The following TENM2 variants were observed in gnomAD, a reference collection of about 807,000 sequenced individuals.
TENM2 encodes the protein teneurin-2.
In TENM2, 52 loss-of-function variants were observed where a neutral mutation model predicts 245.2. That is an observed-to-expected ratio of 0.21 (90% CI 0.17 to 0.27). The LOEUF is 0.27. Ranked by LOEUF, TENM2 falls within the 10% of genes least tolerant of loss-of-function variation. TENM2 has a pLI of 1.00. For missense variants in TENM2, 3,046 were observed against 3,666.8 expected, an observed-to-expected ratio of 0.83 and a Z score of 4.37; for synonymous variants, 1,363 against 1,438.9, an observed-to-expected ratio of 0.95 and a Z score of 1.19.
chr5:168,258,656 G>A (rs972173290), intron 27 of TENM2, among the ~76,000 whole-genome samples: 1 of 152,192 alleles, frequency 6.6e-6, no homozygotes, highest in African/African-American at 2.4e-5. Context: ...TGTATCATGG[G>A]ATTCCATTCA....
intron 2 of TENM2, among the ~76,000 whole-genome samples, chr5:167,737,207 T>C (rs1160632675): frequency 1.3e-5 from 2 of 152,192 alleles, no homozygotes. Flanking sequence ...AAAGTGATCA[T>C]TGTCTGGTTG....
chr5:167,950,219 G>A (rs1023366470), intron 3 of TENM2, among the ~76,000 whole-genome samples: 8 of 152,082 alleles, frequency 5.3e-5, no homozygotes, highest in African/African-American at 1.9e-4. Context: ...CACCCAGGTC[G>A]GTGCTTCTCT....
chr5:168,090,426 G>A (rs747635576), intron 7 of TENM2, 148 bp from the exon 10 acceptor site: 32 of 540,208 alleles, frequency 5.9e-5, no homozygotes, highest in African/African-American at 1.7e-4. Flanking sequence ...CACATTTTGC[G>A]GCTCTTGTTT....
At chr5:167,030,078 T>C in the TENM2 span, among the ~76,000 whole-genome samples, 1 of 152,120 alleles carries the variant, frequency 6.6e-6, no homozygotes, top group African/African-American at 2.4e-5. Context: ...CGACCAAACA[T>C]CCTAGGTAAT....
chr5:167,810,007 G>A (rs969861010), intron 2 of TENM2, among the ~76,000 whole-genome samples: 5 of 152,110 alleles, frequency 3.3e-5, no homozygotes, highest in Non-Finnish European at 5.9e-5. Context: ...CGTCTGGTTG[G>A]AGGATGGGTG....
At chr5:167,219,549 G>C in the TENM2 span, among the ~76,000 whole-genome samples, 2 of 152,180 alleles carry the variant, frequency 1.3e-5, no homozygotes, top group Non-Finnish European at 2.9e-5. Flanking sequence ...ATTAGGGAGG[G>C]ATGTTAATGG....
At chr5:167,043,040 T>G in the TENM2 span, among the ~76,000 whole-genome samples, 1 of 152,354 alleles carries the variant, frequency 6.6e-6, no homozygotes, top group Non-Finnish European at 1.5e-5. Context: ...ACTTCTAATT[T>G]ATTGATCTCC....
At chr5:167,056,247 T>C in the TENM2 span, among the ~76,000 whole-genome samples, 1 of 151,842 alleles carries the variant, frequency 6.6e-6, no homozygotes, top group East Asian at 1.9e-4. Context: ...AAGGCAGTTA[T>C]ACTGGCAACA....
At chr5:167,079,317 GTATA>G in the TENM2 span, among the ~76,000 whole-genome samples, 1 of 147,050 alleles carries the variant, frequency 6.8e-6, no homozygotes, top group Non-Finnish European at 1.5e-5. Context: ...ATAATATAAT[GTATA>G]TATATATTTG....
chr5:167,495,716 G>T (rs957932601), intron 2 of TENM2, among the ~76,000 whole-genome samples: 1 of 151,876 alleles, frequency 6.6e-6, no homozygotes, highest in Non-Finnish European at 1.5e-5. Flanking sequence ...TCTTGTTCAG[G>T]TTAATTTTAA....
intron 25 of TENM2, among the ~76,000 whole-genome samples, chr5:168,230,247 C>A (rs1764729298): frequency 6.6e-6 from 1 of 152,170 alleles, no homozygotes. Context: ...GTGTTAGTTC[C>A]TGTAACAACA....
intron 2 of TENM2, among the ~76,000 whole-genome samples, chr5:167,801,438 A>G (rs1765764560): frequency 1.3e-5 from 2 of 152,022 alleles, no homozygotes; most frequent in Admixed American, 1.3e-4. Context: ...GGAGAATGCC[A>G]ACCCTCTAAA....
At chr5:167,746,846 G>T (rs1761622246) in intron 2 of TENM2, among the ~76,000 whole-genome samples, 1 of 152,106 alleles carries the variant, frequency 6.6e-6, no homozygotes, top group Admixed American at 6.6e-5. Flanking sequence ...GTGCGTGTGT[G>T]TGCATACACA....
chr5:168,186,411 A>G lies in TENM2; in HGVS notation c.2570-3926A>G, dbSNP rs562791493. On this transcript the variant is annotated intron_variant, in intron 13 of 28. Coordinates refer to ENST00000518659, the Ensembl canonical transcript of TENM2. ...CTGAAATTGTCATTACAATTAGCTT[A>G]TGACGTGTATGAGTAGACTAGAACC... The G allele has an allele frequency of 2.0e-5, 3 of 152,330 alleles. No homozygotes were observed. In the South Asian group the frequency reaches 6.2e-4, roughly 32 times the overall value. The allele number at this position is 152,330 out of a possible 1,614,324, so 9.4% of individuals were successfully genotyped here.
At chr5:167,520,366 C>T (rs1286677742) in intron 2 of TENM2, among the ~76,000 whole-genome samples, 1 of 152,088 alleles carries the variant, frequency 6.6e-6, no homozygotes, top group Non-Finnish European at 1.5e-5. Context: ...TCAAACCTGA[C>T]AAATGGTGTA....
At chr5:168,126,802 C>A (rs773599429) in exon 12 of TENM2, 3 of 1,613,296 alleles carry the variant, frequency 1.9e-6, no homozygotes, top group Non-Finnish European at 2.5e-6. Context: ...ATCGGGGGAG[C>A]CTGCCGCTGT....
chr5:167,071,879 C>CCT, the TENM2 span, among the ~76,000 whole-genome samples: 1 of 44,534 alleles, frequency 2.2e-5, no homozygotes, highest in Non-Finnish European at 6.4e-5. Context: ...TGACAAATCG[C>CCT]CCCCCCCCGC....
chr5:167,122,119 C>T, the TENM2 span, among the ~76,000 whole-genome samples: 15 of 152,206 alleles, frequency 9.9e-5, no homozygotes, highest in South Asian at 3.1e-3. Context: ...GGATATATTG[C>T]ACACACCTTA....
the TENM2 span, among the ~76,000 whole-genome samples, chr5:166,983,934 T>C: frequency 6.6e-6 from 1 of 152,116 alleles, no homozygotes; most frequent in Non-Finnish European, 1.5e-5. Context: ...GCTCATTCAT[T>C]CTTACTATTA....
Sources: gnomAD v4.1 joint callset for allele counts (sites outside exome capture counted in the v4.1 genomes callset) on GRCh38, gnomAD v4.1.1 for gene constraint, MANE v1.5 for transcripts, NCBI Gene and HGNC (gene_info 2026-07-23, HGNC 2026-07-21) for gene names.